Variants in EXOC4 observed in about 807,000 individuals in gnomAD.
EXOC4 encodes the protein exocyst complex component 4.
EXOC4 carries 71 observed loss-of-function variants against 107.2 expected under a neutral mutation model. The ratio of observed to expected loss-of-function variants is 0.66; its 90% CI spans 0.55 to 0.81. EXOC4 has a LOEUF of 0.81. Ranked by LOEUF, EXOC4 falls within the 30% of genes least tolerant of loss-of-function variation. EXOC4 has a pLI of 0.00. For synonymous variants in EXOC4, 456 were observed against 441.2 expected, an observed-to-expected ratio of 1.03 and a Z score of -0.42; for missense variants, 1,108 against 1,189.6, an observed-to-expected ratio of 0.93 and a Z score of 1.01.
downstream of EXOC4, among the ~76,000 whole-genome samples, chr7:134,067,523 T>C (rs904938529): frequency 6.6e-6 from 1 of 152,094 alleles, no homozygotes; most frequent in South Asian, 2.1e-4. Context: ...CTCTCTTCCA[T>C]ACCCAAGGGC....
Position 133,689,605 on chromosome 7 carries a change from A to G in EXOC4, c.1514+59464A>G, listed in dbSNP as rs1049663684. 3.9e-5 allele frequency among the ~76,000 whole-genome samples: 6 copies of G among 152,336 alleles called. No individual in the cohort carries two copies. In the South Asian group the frequency reaches 1.2e-3, roughly 32 times the overall value. On this transcript the variant is annotated intron_variant, in intron 10 of 17. Transcript: ENST00000253861. Reference sequence around the variant, plus strand: ...AAGGCAGGGATTAAAGAATTTGACTAGATATCAAAGGTAGTCAGATATCAA... The same window carrying G: ...AAGGCAGGGATTAAAGAATTTGACTGGATATCAAAGGTAGTCAGATATCAA...
At chr7:133,905,263 T>C (rs115478786) in intron 12 of EXOC4, among the ~76,000 whole-genome samples, 1,932 of 152,244 alleles carry the variant, frequency 0.013, 35 homozygotes, top group African/African-American at 0.044. Context: ...GTGAAAAACA[T>C]ATCACCTTTC....
In EXOC4 at chr7:133,507,911, A is replaced by G. The variant is rs114102502; in HGVS notation, c.1417+27773A>G. Among the ~76,000 whole-genome samples the G allele has an allele frequency of 5.1e-3, 772 of 152,200 alleles. 4 individuals are homozygous for G. Among genetic ancestry groups the G allele is most frequent in the African/African-American group, 0.018 (727 of 41,536 alleles). ...ACCTTGTGTCTACTAAAAATACAAA[A>G]TTAACTGGGCATGGTAGTGCATGCC... On this transcript the variant is annotated intron_variant, in intron 9 of 17. Transcript: ENST00000253861.
At chr7:133,877,988 T>G (rs568346175) in intron 11 of EXOC4, among the ~76,000 whole-genome samples, 9 of 152,300 alleles carry the variant, frequency 5.9e-5, no homozygotes, top group Non-Finnish European at 8.8e-5. Context: ...TCATTTGTTT[T>G]TCATCTCTGG....
intron 11 of EXOC4, among the ~76,000 whole-genome samples, chr7:133,845,355 T>TGC (rs1798103974): frequency 6.7e-6 from 1 of 149,952 alleles, no homozygotes; most frequent in African/African-American, 2.4e-5. Flanking sequence ...TGTGTGTGTG[T>TGC]GTGTGTGTGT....
At chr7:133,270,073 C>T (rs1793831630) in intron 1 of EXOC4, among the ~76,000 whole-genome samples, 1 of 152,120 alleles carries the variant, frequency 6.6e-6, no homozygotes. Context: ...TCCTGCGCTG[C>T]ACTGTTCTCG....
At chr7:133,823,867 ATATATTAT>A (rs1489693464) in intron 11 of EXOC4, among the ~76,000 whole-genome samples, 3 of 12,374 alleles carry the variant, frequency 2.4e-4, no homozygotes, top group African/African-American at 8.2e-4. Flanking sequence ...ATATATATAT[ATATATTAT>A]ATATATATAT....
intron 10 of EXOC4, among the ~76,000 whole-genome samples, chr7:133,696,132 G>C (rs765644800): frequency 6.6e-6 from 1 of 152,206 alleles, no homozygotes; most frequent in African/African-American, 2.4e-5. Context: ...TCATTAAACA[G>C]ATCAGGTGGC....
intron 10 of EXOC4, among the ~76,000 whole-genome samples, chr7:133,778,267 T>G (rs772736758): frequency 1.2e-4 from 19 of 152,160 alleles, no homozygotes; most frequent in Non-Finnish European, 2.8e-4. Context: ...CTTATTAACT[T>G]TGAACAGGAC....
chr7:133,912,977 C>G (rs544032067), intron 12 of EXOC4, among the ~76,000 whole-genome samples: 1 of 152,168 alleles, frequency 6.6e-6, no homozygotes, highest in South Asian at 2.1e-4. Flanking sequence ...TTGAAAACCT[C>G]TGGTATAGGG....
chr7:133,474,456 C>T (rs554609963), intron 7 of EXOC4, among the ~76,000 whole-genome samples: 1 of 151,446 alleles, frequency 6.6e-6, no homozygotes, highest in South Asian at 2.1e-4. Flanking sequence ...TACAGGTGTG[C>T]ACCATCATGC....
At position 133,296,806 on chromosome 7, in the gene EXOC4, T is replaced by A. The variant is rs188373909; in HGVS notation, c.471+7690T>A. The stretch of plus-strand genomic sequence containing the variant: ...CGAGGTTCAGCAATTTCCATTTGGC[T>A]TGCTTGGCTATGGGGCAGTGATTCC... On this transcript the variant is annotated intron_variant, in intron 3 of 17. Coordinates refer to ENST00000253861, the MANE Select transcript of EXOC4 (RefSeq NM_021807.4). 7.7e-3 allele frequency among the ~76,000 whole-genome samples: 1,176 copies of A among 152,284 alleles called. 10 individuals are homozygous for A. The highest frequency in any genetic ancestry group is 0.012 in the Admixed American group (187 of 15,286).
intron 9 of EXOC4, among the ~76,000 whole-genome samples, chr7:133,514,921 T>C (rs142910109): frequency 6.6e-6 from 1 of 152,174 alleles, no homozygotes; most frequent in African/African-American, 2.4e-5. Flanking sequence ...ATCTGATGCA[T>C]TAGACTAAGG....
At chr7:134,046,040 G>A (rs544827181) in intron 17 of EXOC4, among the ~76,000 whole-genome samples, 2 of 152,150 alleles carry the variant, frequency 1.3e-5, no homozygotes, top group Non-Finnish European at 2.9e-5. Flanking sequence ...TTTTTCTGTA[G>A]GGGTGGGGAG....
At chr7:133,847,056 G>A (rs1011626142) in intron 11 of EXOC4, among the ~76,000 whole-genome samples, 2 of 152,118 alleles carry the variant, frequency 1.3e-5, no homozygotes, top group Non-Finnish European at 2.9e-5. Flanking sequence ...TTGATGGAGT[G>A]CAATTTGATA....
intron 9 of EXOC4, among the ~76,000 whole-genome samples, chr7:133,489,260 T>C (rs530111799): frequency 6.6e-6 from 1 of 152,280 alleles, no homozygotes; most frequent in South Asian, 2.1e-4. Flanking sequence ...TTTCTTAAGC[T>C]GTTACAGAAA....
At chr7:134,056,551 A>G (rs1381911745) in intron 17 of EXOC4, among the ~76,000 whole-genome samples, 1 of 152,222 alleles carries the variant, frequency 6.6e-6, no homozygotes, top group Non-Finnish European at 1.5e-5. Context: ...TTCTTAATGG[A>G]CTGAATAATT....
chr7:133,881,493 T>G (rs1376709767), intron 11 of EXOC4, among the ~76,000 whole-genome samples: 1 of 152,152 alleles, frequency 6.6e-6, no homozygotes, highest in Non-Finnish European at 1.5e-5. Flanking sequence ...CCAGTCCAAT[T>G]AACTCTTTCT....
chr7:134,073,920 A>G, the EXOC4 span, among the ~76,000 whole-genome samples: 2 of 152,262 alleles, frequency 1.3e-5, no homozygotes, highest in East Asian at 3.9e-4. Context: ...TGAAGACTCT[A>G]AACACTGTCT....
Sources: gnomAD v4.1 joint callset for allele counts (sites outside exome capture counted in the v4.1 genomes callset) on GRCh38, gnomAD v4.1.1 for gene constraint, MANE v1.5 for transcripts, NCBI Gene and HGNC (gene_info 2026-07-23, HGNC 2026-07-21) for gene names.